PAK1: variants seen among roughly 807,000 people sequenced by gnomAD.
The protein encoded by PAK1 is p21 (RAC1) activated kinase 1, also known as serine/threonine-protein kinase PAK 1.
Under a neutral mutation model 67.4 loss-of-function variants are expected in PAK1, and 29 were observed. The observed-to-expected ratio is 0.43, with a 90% CI of 0.32 to 0.59. PAK1 has a LOEUF of 0.59. PAK1 is among the 20% of genes least tolerant of loss of function. The probability of loss-of-function intolerance (pLI) is 0.07; values close to 1 mark genes in which losing one functional copy is unlikely to be tolerated. For missense variants in PAK1, 337 were observed against 670.7 expected, an observed-to-expected ratio of 0.50 and a Z score of 5.50; for synonymous variants, 223 against 237.4, an observed-to-expected ratio of 0.94 and a Z score of 0.56.
chr11:77,455,032 A>G (rs1957023799), intron 1 of PAK1, among the ~76,000 whole-genome samples: 1 of 152,186 alleles, frequency 6.6e-6, no homozygotes, highest in African/African-American at 2.4e-5. Context: ...TGAATAAAGA[A>G]GCTTATCTCC....
chr11:77,407,354 C>T (rs929773807), intron 1 of PAK1, among the ~76,000 whole-genome samples: 1 of 152,180 alleles, frequency 6.6e-6, no homozygotes, highest in Non-Finnish European at 1.5e-5. Flanking sequence ...CTATCTACCC[C>T]ACTCCTTTTC....
intron 5 of PAK1, among the ~76,000 whole-genome samples, chr11:77,359,395 A>C (rs1946473616): frequency 1.3e-5 from 2 of 152,282 alleles, no homozygotes; most frequent in Admixed American, 6.5e-5. Flanking sequence ...AAATGTAGGG[A>C]AGAGATCAAA....
intron 1 of PAK1, among the ~76,000 whole-genome samples, chr11:77,393,888 A>G (rs1951486866): frequency 6.6e-6 from 1 of 152,086 alleles, no homozygotes; most frequent in Non-Finnish European, 1.5e-5. Context: ...CTGTAATCCC[A>G]GCTACTAGGG....
At chr11:77,498,551 T>A in the PAK1 span, among the ~76,000 whole-genome samples, 1 of 152,154 alleles carries the variant, frequency 6.6e-6, no homozygotes, top group South Asian at 2.1e-4. Context: ...TTGTCTTACA[T>A]TCATTTTTTA....
chr11:77,527,126 G>C, the PAK1 span, among the ~76,000 whole-genome samples: 2 of 152,052 alleles, frequency 1.3e-5, no homozygotes, highest in African/African-American at 4.8e-5. Context: ...CTTTCGAGAC[G>C]GGTTCTCACT....
chr11:77,425,271 C>CTT (rs142207968), intron 1 of PAK1, among the ~76,000 whole-genome samples: 43 of 141,450 alleles, frequency 3.0e-4, no homozygotes, highest in South Asian at 9.2e-4. Context: ...CAGGCTTTTG[C>CTT]TTTTTTTTTT....
At chr11:77,334,467 T>C (rs1438937523) in intron 13 of PAK1, among the ~76,000 whole-genome samples, 1 of 152,194 alleles carries the variant, frequency 6.6e-6, no homozygotes, top group Non-Finnish European at 1.5e-5. Flanking sequence ...AGGGAATTCC[T>C]GCACTGGATG....
At chr11:77,509,974 G>A in the PAK1 span, among the ~76,000 whole-genome samples, 3 of 152,190 alleles carry the variant, frequency 2.0e-5, no homozygotes, top group African/African-American at 7.2e-5. Flanking sequence ...TAGCTGGAAT[G>A]CCCTGAATTT....
rs745562907 is a variant in PAK1, at chr11:77,379,914, C to A, written c.271G>T (p.Ala91Ser). 1.2e-6 allele frequency: 2 copies of A among 1,613,634 alleles called. No homozygotes were observed. Among genetic ancestry groups the A allele is most frequent in the Non-Finnish European group, 1.7e-6 (2 of 1,179,580 alleles). ...FEHTIHVGFD[A>S]VTGEFTGMPE... ...CTTACCGTAAACTCCCCTGTGACAG[C>A]ATCAAAACCGACATGAATTGTGTGT... The change falls in exon 3 of 15, where the codon GCT becomes TCT. Residue 91 changes from alanine to serine, a missense_variant. Ala to Ser is a moderately conservative substitution (Grantham distance 99). Coordinates refer to ENST00000356341, the MANE Select transcript of PAK1 (RefSeq NM_002576.5).
chr11:77,324,629 G>A (rs1939260416), intron 14 of PAK1, among the ~76,000 whole-genome samples: 1 of 151,866 alleles, frequency 6.6e-6, no homozygotes, highest in East Asian at 1.9e-4. Context: ...TTTCTGCCCT[G>A]GCTACCAGGA....
At chr11:77,350,662 C>A (rs927022803) in intron 8 of PAK1, among the ~76,000 whole-genome samples, 1 of 152,074 alleles carries the variant, frequency 6.6e-6, no homozygotes, top group African/African-American at 2.4e-5. Flanking sequence ...AATTCCAGGT[C>A]AATCCAGGGG....
chr11:77,456,350 A>G (rs900893540), intron 1 of PAK1, among the ~76,000 whole-genome samples: 6 of 152,066 alleles, frequency 3.9e-5, no homozygotes, highest in Non-Finnish European at 7.4e-5. Flanking sequence ...CAGTAAAGGA[A>G]AAAAAAAGAT....
chr11:77,401,841 A>G (rs533979897), intron 1 of PAK1, among the ~76,000 whole-genome samples: 2 of 152,332 alleles, frequency 1.3e-5, no homozygotes, highest in African/African-American at 4.8e-5. Context: ...AAACTTCATT[A>G]TATCAACCAT....
chr11:77,346,985 A>G (rs1318087638), intron 9 of PAK1: 1 of 456,006 alleles, frequency 2.2e-6, no homozygotes, highest in South Asian at 1.5e-5. Context: ...TATGTGAGAC[A>G]CTAGGTCTGC....
chr11:77,339,243 A>T (rs1384846410), intron 11 of PAK1, among the ~76,000 whole-genome samples: 2 of 152,176 alleles, frequency 1.3e-5, no homozygotes, highest in African/African-American at 4.8e-5. Flanking sequence ...TTTACAGATT[A>T]ATAATGAGGC....
At chr11:77,460,716 G>A (rs192240552) in intron 1 of PAK1, among the ~76,000 whole-genome samples, 19 of 152,148 alleles carry the variant, frequency 1.2e-4, no homozygotes, top group African/African-American at 4.1e-4. Flanking sequence ...AGGAGCAAGC[G>A]AAGAAGAGAT....
chr11:77,478,433 T>C (rs1958082722), upstream of PAK1, among the ~76,000 whole-genome samples: 1 of 152,142 alleles, frequency 6.6e-6, no homozygotes, highest in Admixed American at 6.6e-5. Context: ...AAATGAGCCA[T>C]TACTCCAAAG....
At chr11:77,464,831 T>C (rs1305528079) in intron 1 of PAK1, among the ~76,000 whole-genome samples, 3 of 152,246 alleles carry the variant, frequency 2.0e-5, no homozygotes, top group Non-Finnish European at 2.9e-5. Flanking sequence ...TCTCATGTAA[T>C]TTATTCAATA....
chr11:77,526,655 C>T, the PAK1 span, among the ~76,000 whole-genome samples: 12 of 152,166 alleles, frequency 7.9e-5, no homozygotes, highest in African/African-American at 2.7e-4. Flanking sequence ...TGGTGGCTCA[C>T]GCCTGTAATC....
Sources: gnomAD v4.1 joint callset for allele counts (sites outside exome capture counted in the v4.1 genomes callset) on GRCh38, gnomAD v4.1.1 for gene constraint, MANE v1.5 for transcripts, NCBI Gene and HGNC (gene_info 2026-07-23, HGNC 2026-07-21) for gene names.